FAT3: variants seen among roughly 807,000 people sequenced by gnomAD.
FAT3 encodes protocadherin Fat 3.
Under a neutral mutation model 310.2 loss-of-function variants are expected in FAT3, and 95 were observed. The observed-to-expected ratio is 0.31, with a 90% CI of 0.26 to 0.36. FAT3 has a LOEUF of 0.36. FAT3 is among the 10% of genes least tolerant of loss of function. The pLI, the probability that FAT3 is intolerant of heterozygous loss-of-function variation, is 1.00. For missense variants in FAT3, 5,408 were observed against 5,715.6 expected (o/e 0.95, Z 1.74); for synonymous variants, 2,314 against 2,192.9 (o/e 1.06, Z -1.54).
At chr11:92,565,673 A>C (rs2135485022) in intron 3 of FAT3, among the ~76,000 whole-genome samples, 1 of 150,550 alleles carries the variant, frequency 6.6e-6, no homozygotes, top group African/African-American at 2.4e-5. Context: ...GCAGCACATC[A>C]AAAAGCTTAT....
At chr11:92,356,957 G>T (rs774591108) in intron 2 of FAT3, among the ~76,000 whole-genome samples, 3 of 152,156 alleles carry the variant, frequency 2.0e-5, no homozygotes, top group African/African-American at 4.8e-5. Context: ...TATGGCCAGT[G>T]TAAATTATAA....
chr11:92,569,141 GTGGC>G (rs1194108690), intron 3 of FAT3, among the ~76,000 whole-genome samples: 1 of 152,092 alleles, frequency 6.6e-6, no homozygotes, highest in African/African-American at 2.4e-5. Flanking sequence ...GCATAGCCCA[GTGGC>G]TGAGACCAGG....
chr11:92,432,405 A>T (rs1591282680), intron 2 of FAT3, among the ~76,000 whole-genome samples: 1 of 152,054 alleles, frequency 6.6e-6, no homozygotes, highest in Non-Finnish European at 1.5e-5. Flanking sequence ...GAGACGATGG[A>T]GTTTTCTAGG....
At chr11:92,806,613 C>A (rs1394224640) in intron 12 of FAT3, 98 bp downstream of exon 12, 2 of 1,053,320 alleles carry the variant, frequency 1.9e-6, no homozygotes, top group Admixed American at 5.8e-5. Flanking sequence ...TAGTAGTATA[C>A]TTACTCTTAT....
chr11:92,639,723 C>T (rs1193599800), intron 3 of FAT3, among the ~76,000 whole-genome samples: 1 of 152,164 alleles, frequency 6.6e-6, no homozygotes, highest in African/African-American at 2.4e-5. Flanking sequence ...TTGTGATTTT[C>T]ATCCTTTACT....
chr11:92,713,128 A>G (rs537107996), intron 4 of FAT3, among the ~76,000 whole-genome samples: 1 of 152,316 alleles, frequency 6.6e-6, no homozygotes, highest in African/African-American at 2.4e-5. Context: ...CTATAAGTAG[A>G]CCCAGAGATG....
At chr11:92,866,643 C>A in intron 21 of FAT3, 98 bp from the exon 22 acceptor site, 1 of 1,087,936 alleles carries the variant, frequency 9.2e-7, no homozygotes, top group Non-Finnish European at 1.3e-6. Flanking sequence ...CACATTCCAG[C>A]TTTCTTGTGA....
At chr11:92,484,915 C>T (rs1218858673) in intron 2 of FAT3, among the ~76,000 whole-genome samples, 28 of 152,194 alleles carry the variant, frequency 1.8e-4, no homozygotes, top group Admixed American at 1.3e-3. Flanking sequence ...AATTTTTGGG[C>T]GATGTCTTTG....
intron 2 of FAT3, among the ~76,000 whole-genome samples, chr11:92,404,179 A>T (rs1950088963): frequency 6.6e-6 from 1 of 152,044 alleles, no homozygotes; most frequent in South Asian, 2.1e-4. Context: ...AATATCAAGG[A>T]TCTGTATATG....
chr11:92,507,689 T>C (rs2135297145), intron 2 of FAT3, among the ~76,000 whole-genome samples: 1 of 148,458 alleles, frequency 6.7e-6, no homozygotes. Flanking sequence ...CACACATGTG[T>C]ACATATACAT....
intron 25 of FAT3, among the ~76,000 whole-genome samples, chr11:92,887,433 G>A (rs528053063): frequency 5.5e-4 from 84 of 152,322 alleles, no homozygotes; most frequent in Admixed American, 3.1e-3. Flanking sequence ...AGCAGACAGA[G>A]TAATTTCTTT....
At chr11:92,689,694 A>G (rs1192282625) in intron 3 of FAT3, among the ~76,000 whole-genome samples, 1 of 152,142 alleles carries the variant, frequency 6.6e-6, no homozygotes, top group Non-Finnish European at 1.5e-5. Context: ...TTCTGGTAAA[A>G]TTAGGCATGT....
chr11:92,642,174 T>C (rs1941989011), intron 3 of FAT3, among the ~76,000 whole-genome samples: 1 of 152,226 alleles, frequency 6.6e-6, no homozygotes, highest in Non-Finnish European at 1.5e-5. Flanking sequence ...CCATGGATGC[T>C]GGTAGAGGAA....
intron 2 of FAT3, among the ~76,000 whole-genome samples, chr11:92,421,883 A>AT (rs1403960290): frequency 3.9e-5 from 6 of 152,062 alleles, no homozygotes; most frequent in Non-Finnish European, 7.4e-5. Context: ...CTCAGCTGCT[A>AT]TTTTTTCCTC....
chr11:92,494,611 A>T (rs538464810), intron 2 of FAT3, among the ~76,000 whole-genome samples: 1 of 152,146 alleles, frequency 6.6e-6, no homozygotes, highest in South Asian at 2.1e-4. Context: ...AGTTTCCGTT[A>T]TCATACATAT....
In FAT3 at chr11:92,578,635, G is replaced by A. The variant is rs1938618745; in HGVS notation, c.3607+53687G>A. The stretch of plus-strand genomic sequence containing the variant: ...TATTAAACAGTGCTATCTTCCAGCT[G>A]CATTAGGCAGCGAAGAGCGTGGAAA... On this transcript the variant is annotated intron_variant, in intron 3 of 27. Transcript: ENST00000525166. 2.6e-5 allele frequency among the ~76,000 whole-genome samples: 4 copies of A among 152,090 alleles called. No homozygotes were observed. In the South Asian group the frequency reaches 8.3e-4, roughly 32 times the overall value.
chr11:92,875,000 G>A (rs1429104298), intron 22 of FAT3, among the ~76,000 whole-genome samples: 1 of 151,916 alleles, frequency 6.6e-6, no homozygotes, highest in East Asian at 1.9e-4. Flanking sequence ...TATCATTATG[G>A]CTACTAATGA....
At chr11:92,368,747 G>T (rs866313392) in intron 2 of FAT3, among the ~76,000 whole-genome samples, 8 of 151,536 alleles carry the variant, frequency 5.3e-5, no homozygotes, top group Middle Eastern at 3.4e-3. Context: ...TAAAATGCTG[G>T]GTGTCTCAGT....
intron 3 of FAT3, among the ~76,000 whole-genome samples, chr11:92,536,840 T>G (rs1954274936): frequency 6.6e-6 from 1 of 152,164 alleles, no homozygotes; most frequent in South Asian, 2.1e-4. Flanking sequence ...CCTAGAAACC[T>G]CTCTCCTTGT....
Sources: allele counts gnomAD v4.1 joint callset (sites outside exome capture counted in the v4.1 genomes callset), GRCh38; gene constraint gnomAD v4.1.1; transcripts MANE v1.5; gene names NCBI Gene and HGNC (gene_info 2026-07-23, HGNC 2026-07-21).